SAMD12: variants seen among roughly 807,000 people sequenced by gnomAD.
SAMD12 encodes sterile alpha motif domain containing 12.
In SAMD12, 9 loss-of-function variants were observed where a neutral mutation model predicts 15.0. The ratio of observed to expected loss-of-function variants is 0.60; its 90% CI spans 0.36 to 1.05. The LOEUF (loss-of-function observed/expected upper bound fraction) is 1.05. SAMD12 is among the 50% of genes least tolerant of loss of function. The pLI, the probability that SAMD12 is intolerant of heterozygous loss-of-function variation, is 0.01. For missense variants in SAMD12, 230 were observed against 234.2 expected, an observed-to-expected ratio of 0.98 and a Z score of 0.12; for synonymous variants, 86 against 90.1, an observed-to-expected ratio of 0.96 and a Z score of 0.25.
chr8:118,340,865 TG>T (rs1257106660), intron 4 of SAMD12, among the ~76,000 whole-genome samples: 1 of 152,194 alleles, frequency 6.6e-6, no homozygotes, highest in East Asian at 1.9e-4. Flanking sequence ...GGAGCCAGGA[TG>T]TAAAACAATT....
At chr8:118,149,656 G>A in the SAMD12 span, among the ~76,000 whole-genome samples, 1 of 151,976 alleles carries the variant, frequency 6.6e-6, no homozygotes, top group East Asian at 1.9e-4. Context: ...CCTAATCCAT[G>A]GTTCCAAAAA....
intron 3 of SAMD12, among the ~76,000 whole-genome samples, chr8:118,413,144 AC>A (rs755879666): frequency 0.35 from 53,513 of 151,720 alleles, 9,566 homozygotes; most frequent in Middle Eastern, 0.42. Flanking sequence ...CAGACAAGTG[AC>A]GGAGCCCAGC....
intron 2 of SAMD12, among the ~76,000 whole-genome samples, chr8:118,490,616 A>T (rs976136097): frequency 2.6e-5 from 4 of 152,138 alleles, no homozygotes; most frequent in Non-Finnish European, 5.9e-5. Context: ...TCCCTCTCAC[A>T]TCTCAGGAAT....
At chr8:118,530,250 T>G (rs1017915279) in intron 2 of SAMD12, among the ~76,000 whole-genome samples, 1 of 152,248 alleles carries the variant, frequency 6.6e-6, no homozygotes, top group East Asian at 1.9e-4. Flanking sequence ...CAGAGGTACA[T>G]GTACAGGTTT....
At chr8:118,592,627 T>C (rs905392492) in intron 1 of SAMD12, among the ~76,000 whole-genome samples, 8 of 152,356 alleles carry the variant, frequency 5.3e-5, no homozygotes, top group Non-Finnish European at 1.0e-4. Context: ...CAGCAAACAG[T>C]AACCACTGCT....
chr8:118,150,421 C>G, the SAMD12 span, among the ~76,000 whole-genome samples: 2 of 152,136 alleles, frequency 1.3e-5, no homozygotes, highest in Non-Finnish European at 2.9e-5. Context: ...TGATTTGTCC[C>G]CCAGGCTGGA....
intron 4 of SAMD12, among the ~76,000 whole-genome samples, chr8:118,307,420 T>C (rs1815405424): frequency 6.6e-6 from 1 of 152,108 alleles, no homozygotes; most frequent in Non-Finnish European, 1.5e-5. Context: ...AAGCACATGG[T>C]CTATGGACCA....
chr8:118,610,130 T>G (rs1586855112), intron 1 of SAMD12, among the ~76,000 whole-genome samples: 1 of 152,212 alleles, frequency 6.6e-6, no homozygotes, highest in East Asian at 1.9e-4. Context: ...ACGGGTGAAT[T>G]TGGAAGGCAG....
chr8:118,365,226 C>T (rs1215845846), intron 4 of SAMD12, among the ~76,000 whole-genome samples: 1 of 152,190 alleles, frequency 6.6e-6, no homozygotes, highest in African/African-American at 2.4e-5. Flanking sequence ...CTGGAACACA[C>T]CAAACTTCTT....
chr8:118,250,037 G>A (rs1420480361), intron 4 of SAMD12, among the ~76,000 whole-genome samples: 1 of 152,072 alleles, frequency 6.6e-6, no homozygotes, highest in Non-Finnish European at 1.5e-5. Context: ...GATCTCACCT[G>A]GGTCTTCACT....
At chr8:118,540,391 T>G (rs1413937477) in intron 2 of SAMD12, among the ~76,000 whole-genome samples, 1 of 152,170 alleles carries the variant, frequency 6.6e-6, no homozygotes, top group Admixed American at 6.5e-5. Context: ...AGATTCAAGG[T>G]CATCTGTAAT....
At chr8:118,553,886 A>C (rs561747491) in intron 2 of SAMD12, among the ~76,000 whole-genome samples, 2,595 of 150,360 alleles carry the variant, frequency 0.017, 41 homozygotes, top group South Asian at 0.07. Context: ...ATGAACAGAC[A>C]CTTCTCAAAA....
chr8:118,617,013 C>A (rs1339192010), intron 1 of SAMD12, among the ~76,000 whole-genome samples: 1 of 152,176 alleles, frequency 6.6e-6, no homozygotes, highest in Non-Finnish European at 1.5e-5. Context: ...GAATCTGATC[C>A]CTGGTGCCAA....
chr8:118,566,388 C>T (rs909130485), intron 2 of SAMD12, among the ~76,000 whole-genome samples: 1 of 152,070 alleles, frequency 6.6e-6, no homozygotes, highest in African/African-American at 2.4e-5. Context: ...TGGTTTCCTT[C>T]CAAATATATA....
Position 118,566,353 on chromosome 8 carries a change from C to T in SAMD12, c.192+14362G>A, listed in dbSNP as rs190301148. ...CTGTCTTCTACTCCATCTTTATTTT[C>T]GATCGCAGTTTTTCAAACCTCAGTT... is the stretch of plus-strand genomic sequence containing the variant. On this transcript the variant is annotated intron_variant, in intron 2 of 3. Coordinates refer to ENST00000314727, the MANE Select transcript of SAMD12 (RefSeq NM_207506.3). Among the ~76,000 whole-genome samples, 713 of 152,212 alleles carry T rather than the reference C, an allele frequency of 4.7e-3. 5 individuals carry two copies. The highest frequency in any genetic ancestry group is 0.015 in the African/African-American group (634 of 41,524).
intron 3 of SAMD12, among the ~76,000 whole-genome samples, chr8:118,411,159 G>A (rs1821389566): frequency 6.6e-6 from 1 of 152,130 alleles, no homozygotes; most frequent in South Asian, 2.1e-4. Context: ...AATATCAAAA[G>A]TTTCTTTGAA....
At chr8:118,321,285 T>G (rs1235740595) in intron 4 of SAMD12, among the ~76,000 whole-genome samples, 8 of 82,388 alleles carry the variant, frequency 9.7e-5, no homozygotes, top group Non-Finnish European at 1.7e-4. Flanking sequence ...AAAAGAGGTG[T>G]TTTTTTTTTG....
chr8:118,230,001 G>A (rs1427111207), intron 4 of SAMD12, among the ~76,000 whole-genome samples: 33 of 151,980 alleles, frequency 2.2e-4, no homozygotes. Context: ...TGTGGAAAAG[G>A]ATTAAAAAAA....
At chr8:118,441,405 G>A (rs529763082) in intron 2 of SAMD12, among the ~76,000 whole-genome samples, 8 of 151,610 alleles carry the variant, frequency 5.3e-5, no homozygotes, top group African/African-American at 1.9e-4. Context: ...AGTGAAAACA[G>A]TGGAAGTAAT....
Sources: allele counts gnomAD v4.1 joint callset (sites outside exome capture counted in the v4.1 genomes callset), GRCh38; gene constraint gnomAD v4.1.1; transcripts MANE v1.5; gene names NCBI Gene and HGNC (gene_info 2026-07-23, HGNC 2026-07-21).